C3orf70: variants seen among roughly 807,000 people sequenced by gnomAD.
C3orf70 encodes the protein chromosome 3 open reading frame 70.
Under a neutral mutation model 20.7 loss-of-function variants are expected in C3orf70, and 15 were observed. That is an observed-to-expected ratio of 0.72 (90% CI 0.48 to 1.11). The LOEUF is 1.11. C3orf70 is among the 50% of genes most tolerant of loss of function. The pLI, the probability that C3orf70 is intolerant of heterozygous loss-of-function variation, is 0.00. For missense variants in C3orf70, 332 were observed against 317.6 expected, an observed-to-expected ratio of 1.05 and a Z score of -0.34; for synonymous variants, 161 against 125.7, an observed-to-expected ratio of 1.28 and a Z score of -1.88.
intron 1 of C3orf70, among the ~76,000 whole-genome samples, chr3:185,142,409 G>T (rs13063458): frequency 6.6e-6 from 1 of 152,150 alleles, no homozygotes; most frequent in Non-Finnish European, 1.5e-5. Flanking sequence ...CTCCAGCCTG[G>T]GTGACACAGC....
intron 1 of C3orf70, among the ~76,000 whole-genome samples, chr3:185,146,818 CAGAAT>C (rs1361920595): frequency 6.6e-6 from 1 of 152,154 alleles, no homozygotes; most frequent in Non-Finnish European, 1.5e-5. Flanking sequence ...AGCACAAAAA[CAGAAT>C]AGAACAACAC....
intron 1 of C3orf70, among the ~76,000 whole-genome samples, chr3:185,095,233 G>C (rs1330000603): frequency 2.6e-5 from 4 of 152,170 alleles, no homozygotes; most frequent in African/African-American, 9.7e-5. Flanking sequence ...CGTGGGTTGA[G>C]TTACTAGACT....
chr3:185,110,553 C>A (rs1374298651), intron 1 of C3orf70, among the ~76,000 whole-genome samples: 1 of 151,946 alleles, frequency 6.6e-6, no homozygotes, highest in African/African-American at 2.4e-5. Flanking sequence ...GCAGGCCCCC[C>A]CTCAAAATCT....
rs555627454 is a variant in C3orf70, at chr3:185,137,246, C to T, written c.196+15382G>A. Among the ~76,000 whole-genome samples the T allele has an allele frequency of 2.2e-3, 333 of 152,332 alleles. 1 individual carries two copies. The highest frequency in any genetic ancestry group is 7.7e-3 in the African/African-American group (319 of 41,564). The stretch of plus-strand genomic sequence containing the variant: ...GTGACTTGTGGCTCCTTGCCTTCTG[C>T]CATGATTGTGAGGCTTCCCAGCCAC... On this transcript the variant is annotated intron_variant, in intron 1 of 1. Coordinates refer to ENST00000335012, the MANE Select transcript of C3orf70 (RefSeq NM_001025266.3).
chr3:185,091,105 CTA>C (rs35844621), intron 1 of C3orf70, among the ~76,000 whole-genome samples: 3,637 of 152,048 alleles, frequency 0.024, 118 homozygotes, highest in African/African-American at 0.082. Context: ...AGTCATGCTT[CTA>C]TAGGAGCTTT....
chr3:185,136,504 C>T (rs908937149), intron 1 of C3orf70, among the ~76,000 whole-genome samples: 1 of 152,248 alleles, frequency 6.6e-6, no homozygotes, highest in African/African-American at 2.4e-5. Flanking sequence ...GGGTGGATCA[C>T]AAGGTCAGGA....
At chr3:185,090,039 A>G (rs184335471) in intron 1 of C3orf70, among the ~76,000 whole-genome samples, 9 of 152,340 alleles carry the variant, frequency 5.9e-5, no homozygotes, top group Middle Eastern at 3.4e-3. Flanking sequence ...TCAAACTCTT[A>G]TAACAAGATA....
In C3orf70 at chr3:185,076,982, G is replaced by A. The variant is rs998445296; in HGVS notation, c.*6025C>T. ...TAGAGTGCACACGCAGATGAGATGCGCTGTCTGCAGGAATCACTTTAAAAG... is the reference window on the plus strand; with the variant it reads ...TAGAGTGCACACGCAGATGAGATGCACTGTCTGCAGGAATCACTTTAAAAG... On this transcript the variant is annotated 3_prime_UTR_variant, in exon 2 of 2. Coordinates refer to ENST00000335012, the MANE Select transcript of C3orf70 (RefSeq NM_001025266.3). 2.0e-5 allele frequency among the ~76,000 whole-genome samples: 3 copies of A among 152,332 alleles called. No homozygotes were observed. The highest frequency in any genetic ancestry group is 2.4e-5 in the African/African-American group (1 of 41,572).
intron 1 of C3orf70, among the ~76,000 whole-genome samples, chr3:185,121,804 A>T (rs9870762): frequency 0.052 from 7,903 of 152,280 alleles, 665 homozygotes; most frequent in African/African-American, 0.18. Context: ...TAAATTGGTT[A>T]AAAGCAAGAG....
chr3:185,147,002 T>C (rs1013801031), intron 1 of C3orf70, among the ~76,000 whole-genome samples: 1 of 152,216 alleles, frequency 6.6e-6, no homozygotes, highest in Non-Finnish European at 1.5e-5. Context: ...ACCAGAGATA[T>C]TAAACTCTCT....
chr3:185,088,104 T>C (rs1447756622), intron 1 of C3orf70, among the ~76,000 whole-genome samples: 1 of 151,384 alleles, frequency 6.6e-6, no homozygotes, highest in East Asian at 1.9e-4. Context: ...AGGGACGGAG[T>C]TTCTTCACAT....
At chr3:185,087,121 G>C (rs1281220409) in intron 1 of C3orf70, among the ~76,000 whole-genome samples, 1 of 152,186 alleles carries the variant, frequency 6.6e-6, no homozygotes, top group East Asian at 1.9e-4. Context: ...ATTGAAACGG[G>C]TTTCTGGCGA....
intron 1 of C3orf70, among the ~76,000 whole-genome samples, chr3:185,091,954 TA>T (rs1715596160): frequency 1.8e-4 from 1 of 5,710 alleles, no homozygotes; most frequent in African/African-American, 8.5e-4. Context: ...TATATATATA[TA>T]TATATATATT....
Position 185,077,648 on chromosome 3 carries a change from C to T in C3orf70, c.*5359G>A, listed in dbSNP as rs918738530. 1.3e-5 allele frequency among the ~76,000 whole-genome samples: 2 copies of T among 152,072 alleles called. No individual in the cohort carries two copies. The highest frequency in any genetic ancestry group is 2.4e-5 in the African/African-American group (1 of 41,414). ...CCCTGAGTCTTGGTGACCAAGCGAC[C>T]CCCCCAAGCTCTGCCGGGCAGCAGC... On this transcript the variant is annotated 3_prime_UTR_variant, in exon 2 of 2. Coordinates refer to ENST00000335012, the MANE Select transcript of C3orf70 (RefSeq NM_001025266.3).
chr3:185,084,218 T>G (rs1010120423), intron 1 of C3orf70, among the ~76,000 whole-genome samples: 1 of 152,052 alleles, frequency 6.6e-6, no homozygotes, highest in Non-Finnish European at 1.5e-5. Flanking sequence ...AACAGTATAA[T>G]GTACTGTAAA....
At chr3:185,091,348 G>T (rs770805772) in intron 1 of C3orf70, among the ~76,000 whole-genome samples, 75 of 152,110 alleles carry the variant, frequency 4.9e-4, no homozygotes, top group Non-Finnish European at 9.1e-4. Flanking sequence ...AAGTTTCTGA[G>T]GAAGACTGAG....
intron 1 of C3orf70, among the ~76,000 whole-genome samples, chr3:185,152,121 G>A (rs13091276): frequency 0.065 from 9,921 of 152,150 alleles, 391 homozygotes; most frequent in South Asian, 0.1. Flanking sequence ...CTCAATTTGG[G>A]TACAATCAAG....
intron 1 of C3orf70, among the ~76,000 whole-genome samples, chr3:185,096,818 C>T (rs1715718556): frequency 6.6e-6 from 1 of 152,166 alleles, no homozygotes; most frequent in African/African-American, 2.4e-5. Flanking sequence ...GCTCCCTCTA[C>T]ACAGCCACAC....
At chr3:185,087,405 A>C (rs1224292676) in intron 1 of C3orf70, among the ~76,000 whole-genome samples, 2 of 152,230 alleles carry the variant, frequency 1.3e-5, no homozygotes, top group Non-Finnish European at 2.9e-5. Context: ...AATATGCAAA[A>C]GCTGGAAGCA....
Sources: allele counts gnomAD v4.1 joint callset (sites outside exome capture counted in the v4.1 genomes callset), GRCh38; gene constraint gnomAD v4.1.1; transcripts MANE v1.5; gene names NCBI Gene and HGNC (gene_info 2026-07-23, HGNC 2026-07-21).